EPHA8: variants seen among roughly 807,000 people sequenced by gnomAD.
EPHA8 encodes the protein ephrin type-A receptor 8.
Under a neutral mutation model 103.6 loss-of-function variants are expected in EPHA8, and 58 were observed. The observed-to-expected ratio is 0.56, with a 90% CI of 0.45 to 0.70. The LOEUF is 0.70. Among genes scored for constraint, EPHA8 ranks in the 30% least tolerant of loss-of-function variants. EPHA8 has a pLI of 0.00. For synonymous variants in EPHA8, 559 were observed against 572.5 expected (o/e 0.98, Z 0.34); for missense variants, 1,304 against 1,395.2 (o/e 0.93, Z 1.04).
intron 2 of EPHA8, among the ~76,000 whole-genome samples, chr1:22,571,105 G>C (rs956559965): frequency 6.6e-6 from 1 of 152,220 alleles, no homozygotes; most frequent in African/African-American, 2.4e-5. Flanking sequence ...TTGGTGTTTA[G>C]GGTAGTGAGG....
intron 3 of EPHA8, among the ~76,000 whole-genome samples, chr1:22,583,870 G>A (rs1404117429): frequency 3.3e-5 from 5 of 152,218 alleles, no homozygotes; most frequent in Admixed American, 2.0e-4. Flanking sequence ...AGGGCCAGCC[G>A]TGGTGCTGGC....
At chr1:22,578,151 C>CGTGA (rs1230927638) in intron 3 of EPHA8, among the ~76,000 whole-genome samples, 874 of 55,560 alleles carry the variant, frequency 0.016, 3 homozygotes, top group East Asian at 0.068. Context: ...TGTATGTGTG[C>CGTGA]GTGTGTGCAT....
chr1:22,597,851 C>T lies in EPHA8; in HGVS notation c.2106C>T (p.Val702=), dbSNP rs752110135. 7 of 1,608,972 alleles carry T rather than the reference C, an allele frequency of 4.4e-6. No individual in the cohort carries two copies. Among genetic ancestry groups the T allele is most frequent in the Non-Finnish European group, 5.9e-6 (7 of 1,177,580 alleles). ...DHPNIIRLEG[V]VTRGRLAMIV... ...CCAACATCATCCGCCTCGAGGGTGT[C>T]GTCACCCGTGGTAGGTGCCGGGCAA... Residue 702 remains valine (V), a synonymous_variant, in exon 11 of 17, where the codon GTC becomes GTT. Coordinates refer to ENST00000166244, the MANE Select transcript of EPHA8 (RefSeq NM_020526.5). The surrounding 1 kb of genome is among the most constrained non-coding windows in gnomAD (Gnocchi z 4.6).
Position 22,576,677 on chromosome 1 carries a change from TG to T in EPHA8, c.622del (p.Val208CysfsTer11). On this transcript the variant is annotated frameshift_variant, in exon 3 of 17. Coordinates refer to ENST00000166244, the MANE Select transcript of EPHA8 (RefSeq NM_020526.5). LOFTEE classifies it high-confidence loss of function. This position sits in a 1 kb window ranked among gnomAD's most constrained non-coding sequence, Gnocchi z 4.8. ...ATCTACTATAAGAAGTGCCCTGCCA[TG>T]GTGCGCAATCTGGCTGCCTTCTCGG... ...LRIYYKKCPA[M>X]VRNLAAFSEA... 2 of 1,613,852 alleles carry T rather than the reference TG, an allele frequency of 1.2e-6. No homozygotes were observed. Among genetic ancestry groups the T allele is most frequent in the Non-Finnish European group, 1.7e-6 (2 of 1,180,022 alleles).
intron 5 of EPHA8, among the ~76,000 whole-genome samples, chr1:22,591,470 C>G (rs1641370599): frequency 1.3e-5 from 2 of 151,776 alleles, no homozygotes; most frequent in South Asian, 4.2e-4. Context: ...ATCCTCCTGC[C>G]TCAGCCTCCC....
At chr1:22,585,608 T>C (rs911214835) in intron 3 of EPHA8, among the ~76,000 whole-genome samples, 3 of 152,224 alleles carry the variant, frequency 2.0e-5, no homozygotes, top group Non-Finnish European at 2.9e-5. Flanking sequence ...TCCAGAGTTG[T>C]GCTCATGAAC....
In EPHA8 at chr1:22,589,105, A is replaced by G; in HGVS notation, c.1214A>G (p.His405Arg). The G allele has an allele frequency of 6.2e-7, 1 of 1,613,742 alleles. No homozygotes were observed. Among genetic ancestry groups the G allele is most frequent in the Non-Finnish European group, 8.5e-7 (1 of 1,179,934 alleles). Residue 405 changes from histidine to arginine, a missense_variant, in exon 5 of 17, where the codon CAC (histidine) becomes CGC (arginine). His to Arg is a conservative substitution (Grantham distance 29). Transcript: ENST00000166244. The surrounding 1 kb of genome is among the most constrained non-coding windows in gnomAD (Gnocchi z 4.3). ...ASLLVANLLA[H>R]MNYSFWIEAV... ...CTGCTGGTGGCCAACCTGCTGGCCC[A>G]CATGAACTACTCCTTCTGGATCGAG...
intron 3 of EPHA8, among the ~76,000 whole-genome samples, chr1:22,579,096 CATGTGTATGT>C (rs1640945392): frequency 8.9e-6 from 1 of 112,534 alleles, no homozygotes; most frequent in Admixed American, 7.9e-5. Context: ...TGCATGTGTG[CATGTGTATGT>C]GTGCATGTGT....
intron 1 of EPHA8, among the ~76,000 whole-genome samples, chr1:22,568,648 A>G (rs1187846014): frequency 6.6e-6 from 1 of 152,220 alleles, no homozygotes; most frequent in Non-Finnish European, 1.5e-5. Context: ...GGTGCCCACT[A>G]AGAGGCAGCT....
intron 13 of EPHA8, among the ~76,000 whole-genome samples, chr1:22,599,722 GGGAGGGAAGGAA>G (rs1336052642): frequency 2.6e-3 from 10 of 3,914 alleles, no homozygotes; most frequent in Admixed American, 5.0e-3. Flanking sequence ...AAGGAAGGGA[GGGAGGGAAGGAA>G]GGAGGGAGGG....
rs570237058 is a variant in EPHA8 at position 22,576,573 on chromosome 1, T to G, written c.516T>G (p.Ser172Arg). The G allele has an allele frequency of 2.0e-5, 32 of 1,614,090 alleles. No homozygotes were observed. Among genetic ancestry groups the G allele is most frequent in the Non-Finnish European group, 2.5e-5 (29 of 1,180,028 alleles). Residue 172 changes from serine to arginine, a missense_variant, in exon 3 of 17, where the codon AGT (serine) becomes AGG (arginine). Coordinates refer to ENST00000166244, the MANE Select transcript of EPHA8 (RefSeq NM_020526.5). The surrounding 1 kb of genome is among the most constrained non-coding windows in gnomAD (Gnocchi z 4.8). ...RRLKLNTEVR[S>R]VGPLSKRGFY... ...TCAAGCTCAACACGGAGGTGCGCAG[T>G]GTGGGTCCCCTCAGCAAGCGCGGCT... is the stretch of plus-strand genomic sequence containing the variant.
intron 2 of EPHA8, among the ~76,000 whole-genome samples, chr1:22,574,011 C>T (rs888008683): frequency 1.3e-5 from 2 of 152,258 alleles, no homozygotes; most frequent in Non-Finnish European, 2.9e-5. Context: ...CGGAGTCTCG[C>T]TGTGTCACCC....
Position 22,576,506 on chromosome 1 carries a change from C to A in EPHA8, c.449C>A (p.Ala150Asp). The change falls in exon 3 of 17, where the codon GCC becomes GAC. Residue 150 changes from alanine to aspartate, a missense_variant. Transcript: ENST00000166244. This position sits in a 1 kb window ranked among gnomAD's most constrained non-coding sequence, Gnocchi z 4.8. Reference sequence around the variant, plus strand: ...TTCCTCAAAATCGACACCATTGCGGCCGACGAGAGCTTCACAGGTGCCGAC... The same window carrying A: ...TTCCTCAAAATCGACACCATTGCGGACGACGAGAGCTTCACAGGTGCCGAC... ...SQFLKIDTIA[A>D]DESFTGADLG... 6.2e-7 allele frequency: 1 copy of A among 1,614,172 alleles called. No homozygotes were observed. Among genetic ancestry groups the A allele is most frequent in the East Asian group, 2.2e-5 (1 of 44,884 alleles).
At position 22,576,334 on chromosome 1, in the gene EPHA8, G is replaced by T. The variant is rs150553424; in HGVS notation, c.277G>T (p.Gly93Cys). The T allele has an allele frequency of 6.2e-6, 10 of 1,613,644 alleles. No individual in the cohort carries two copies. The Admixed American group carries it at 8.3e-5, about 13-fold the overall frequency. ...WLRTSWVPRD[G>C]ARRVYAEIKF... ...GCGCACGAGCTGGGTCCCCCGAGACGGCGCCCGGCGCGTCTATGCTGAGAT... is the reference window on the plus strand; with the variant it reads ...GCGCACGAGCTGGGTCCCCCGAGACTGCGCCCGGCGCGTCTATGCTGAGAT... Residue 93 changes from glycine to cysteine, a missense_variant, in exon 3 of 17, where the codon GGC becomes TGC. By Grantham distance (159) the Gly-to-Cys change is radical. Coordinates refer to ENST00000166244, the MANE Select transcript of EPHA8 (RefSeq NM_020526.5). This position sits in a 1 kb window ranked among gnomAD's most constrained non-coding sequence, Gnocchi z 4.8.
Position 22,598,687 on chromosome 1 carries a change from A to T in EPHA8, c.2179-151A>T. 4.0e-6 allele frequency: 3 copies of T among 745,804 alleles called. No homozygotes were observed. The highest frequency in any genetic ancestry group is 6.6e-6 in the Non-Finnish European group (3 of 453,660). 46.2% of individuals were successfully genotyped at this position (745,804 alleles called of 1,614,324 possible). A position where few individuals can be genotyped will look rare whatever the true frequency, so the allele number is the denominator to read the frequency against. ...AAATGAGACCAGGAGAATAACCCTTAACTGCAAAGTGCTTCAGAAGTAGTG... is the reference window on the plus strand; with the variant it reads ...AAATGAGACCAGGAGAATAACCCTTTACTGCAAAGTGCTTCAGAAGTAGTG... On this transcript the variant is annotated intron_variant, in intron 12 of 16. Transcript: ENST00000166244. The surrounding 1 kb of genome is among the most constrained non-coding windows in gnomAD (Gnocchi z 5.1).
chr1:22,585,870 C>G (rs1409377563), intron 3 of EPHA8, among the ~76,000 whole-genome samples: 1 of 152,192 alleles, frequency 6.6e-6, no homozygotes, highest in Non-Finnish European at 1.5e-5. Context: ...CCTGGCTCTT[C>G]TAACTCAGCT....
intron 3 of EPHA8, among the ~76,000 whole-genome samples, chr1:22,581,486 A>G (rs976810143): frequency 1.4e-4 from 22 of 152,220 alleles, no homozygotes; most frequent in African/African-American, 4.8e-4. Context: ...TGGAGGTCTC[A>G]GGTAACGCTG....
chr1:22,582,242 C>T (rs1251747983), intron 3 of EPHA8, among the ~76,000 whole-genome samples: 2 of 152,226 alleles, frequency 1.3e-5, no homozygotes, highest in Non-Finnish European at 2.9e-5. Flanking sequence ...TCTCAGCAAA[C>T]AGTTAAGGAG....
At position 22,576,454 on chromosome 1, in the gene EPHA8, C is replaced by G; in HGVS notation, c.397C>G (p.Leu133Val). ...CTACTACCTGGAGTCGGACCGCGAC[C>G]TGGGGGCCAGCACACAAGAAAGCCA... ...NLYYLESDRD[L>V]GASTQESQFL... The change falls in exon 3 of 17, where the codon CTG (leucine) becomes GTG (valine). Residue 133 changes from leucine (L) to valine (V), a missense_variant. Physicochemically the swap from Leu to Val is conservative, Grantham distance 32. Coordinates refer to ENST00000166244, the MANE Select transcript of EPHA8 (RefSeq NM_020526.5). This position sits in a 1 kb window ranked among gnomAD's most constrained non-coding sequence, Gnocchi z 4.8. 2 of 1,614,090 alleles carry G rather than the reference C, an allele frequency of 1.2e-6. No individual in the cohort carries two copies. The highest frequency in any genetic ancestry group is 1.6e-4 in the Middle Eastern group (1 of 6,062).
Sources: gnomAD v4.1 joint callset for allele counts (sites outside exome capture counted in the v4.1 genomes callset) on GRCh38, gnomAD v4.1.1 for gene constraint, Gnocchi (gnomAD v3.1) non-coding constraint, MANE v1.5 for transcripts, NCBI Gene and HGNC (gene_info 2026-07-23, HGNC 2026-07-21) for gene names.